The following RNGTT variants were observed in gnomAD, a reference collection of about 807,000 sequenced individuals.
The protein encoded by RNGTT is RNA guanylyltransferase and 5'-phosphatase.
Under a neutral mutation model 79.3 loss-of-function variants are expected in RNGTT, and 33 were observed. The observed-to-expected ratio is 0.42, with a 90% confidence interval of 0.32 to 0.56. RNGTT has a LOEUF of 0.56. Among genes scored for constraint, RNGTT ranks in the 20% least tolerant of loss-of-function variants. The probability of loss-of-function intolerance (pLI) is 0.17; values close to 1 mark genes in which losing one functional copy is unlikely to be tolerated. For synonymous variants in RNGTT, 222 were observed against 235.9 expected (o/e 0.94, Z 0.54); for missense variants, 497 against 739.1 (o/e 0.67, Z 3.80).
chr6:88,824,511 A>G (rs1780592142), intron 11 of RNGTT, among the ~76,000 whole-genome samples: 1 of 152,238 alleles, frequency 6.6e-6, no homozygotes, highest in African/African-American at 2.4e-5. Flanking sequence ...ACATGTGGCT[A>G]CTAAAATTTA....
intron 6 of RNGTT, among the ~76,000 whole-genome samples, chr6:88,903,670 G>A (rs554782578): frequency 2.0e-5 from 3 of 152,154 alleles, no homozygotes; most frequent in Admixed American, 2.0e-4. Flanking sequence ...AACTTACATG[G>A]TTTACATAAA....
intron 14 of RNGTT, among the ~76,000 whole-genome samples, chr6:88,628,546 C>T (rs926352196): frequency 6.6e-6 from 1 of 151,934 alleles, no homozygotes; most frequent in African/African-American, 2.4e-5. Context: ...AGGTTTATAG[C>T]CAATATATTT....
At chr6:88,796,018 C>A (rs978685203) in intron 12 of RNGTT, among the ~76,000 whole-genome samples, 16 of 152,162 alleles carry the variant, frequency 1.1e-4, no homozygotes, top group African/African-American at 3.9e-4. Flanking sequence ...TATATCTATA[C>A]CTGCACTATC....
chr6:88,678,154 T>C (rs1774949341), intron 14 of RNGTT, 199 bp downstream of exon 14: 4 of 1,144,070 alleles, frequency 3.5e-6, no homozygotes, highest in East Asian at 7.7e-5. Context: ...ACTTGGCTAA[T>C]GACAAAAAAT....
At chr6:88,675,102 G>GA (rs10554864) in intron 14 of RNGTT, among the ~76,000 whole-genome samples, 1,326 of 106,554 alleles carry the variant, frequency 0.012, 8 homozygotes, top group Middle Eastern at 0.024. Flanking sequence ...CGTCTCAGAA[G>GA]AAAAAAAAAA....
At chr6:88,765,765 T>C (rs1433380341) in intron 13 of RNGTT, among the ~76,000 whole-genome samples, 1 of 152,168 alleles carries the variant, frequency 6.6e-6, no homozygotes, top group African/African-American at 2.4e-5. Flanking sequence ...TATACCAGTA[T>C]ATATACTGTC....
intron 13 of RNGTT, among the ~76,000 whole-genome samples, chr6:88,709,941 G>GT (rs1291264309): frequency 2.0e-5 from 3 of 152,216 alleles, no homozygotes. Flanking sequence ...GCTAGAAACT[G>GT]TAAGTAGTGT....
chr6:88,833,460 A>G (rs1780949194), intron 11 of RNGTT, among the ~76,000 whole-genome samples: 1 of 152,176 alleles, frequency 6.6e-6, no homozygotes, highest in South Asian at 2.1e-4. Flanking sequence ...ATTAGGAGAA[A>G]TACCTAATGT....
At chr6:88,885,273 G>T (rs1273244136) in intron 8 of RNGTT, among the ~76,000 whole-genome samples, 1 of 152,072 alleles carries the variant, frequency 6.6e-6, no homozygotes, top group Admixed American at 6.6e-5. Flanking sequence ...GGCTGGGGTA[G>T]GAAAAGTACA....
Position 88,688,788 on chromosome 6 carries a change from C to T in RNGTT, c.1440-10369G>A, listed in dbSNP as rs148639581. Among the ~76,000 whole-genome samples the T allele has an allele frequency of 4.5e-3, 683 of 152,316 alleles. 2 individuals are homozygous for T. The highest frequency in any genetic ancestry group is 7.6e-3 in the Non-Finnish European group (517 of 68,034). ...TCCACTTATACGCAGATTTCTTCCACCTCTGTCCTCACTGAGACAGCAAGA... is the reference window on the plus strand; with the variant it reads ...TCCACTTATACGCAGATTTCTTCCATCTCTGTCCTCACTGAGACAGCAAGA... On this transcript the variant is annotated intron_variant, in intron 13 of 15. Transcript: ENST00000369485.
intron 14 of RNGTT, among the ~76,000 whole-genome samples, chr6:88,673,034 C>T (rs1276674833): frequency 6.6e-6 from 1 of 152,072 alleles, no homozygotes; most frequent in African/African-American, 2.4e-5. Flanking sequence ...TTTTTGTGTT[C>T]TTTCTTTTCT....
chr6:88,799,700 CAAAAAA>C (rs36033019), intron 12 of RNGTT, among the ~76,000 whole-genome samples: 1 of 46,254 alleles, frequency 2.2e-5, no homozygotes, highest in Non-Finnish European at 4.3e-5. Flanking sequence ...AACTCCATCT[CAAAAAA>C]AAAAAAAAAA....
chr6:88,892,677 A>G (rs1484338198), intron 6 of RNGTT, among the ~76,000 whole-genome samples: 8 of 152,086 alleles, frequency 5.3e-5, no homozygotes, highest in Non-Finnish European at 1.2e-4. Context: ...TGTATGCTAC[A>G]GTTCTTTTAA....
In RNGTT at chr6:88,768,443, C is replaced by T. The variant is rs557403581; in HGVS notation, c.1439+1331G>A. Among the ~76,000 whole-genome samples the T allele has an allele frequency of 1.1e-4, 16 of 152,242 alleles. No individual in the cohort carries two copies. The South Asian group carries it at 2.9e-3, about 28-fold the overall frequency. ...TGTTAAATACCCTGTTGTTTGAAAA[C>T]GAATACCCACATGCTTTATTAAACC... is the stretch of plus-strand genomic sequence containing the variant. On this transcript the variant is annotated intron_variant, in intron 13 of 15. Transcript: ENST00000369485.
Position 88,904,873 on chromosome 6 carries a change from G to A in RNGTT, c.526C>T (p.Arg176Trp), listed in dbSNP as rs1326390692. Residue 176 changes from arginine to tryptophan, a missense_variant, in exon 6 of 16, where the codon CGG becomes TGG. Physicochemically the swap from Arg to Trp is moderately radical, Grantham distance 101 (BLOSUM62 -3). This residue lies in a region of RNGTT where 440 missense variants were observed against 671.5 expected (regional missense o/e 0.66). Coordinates refer to ENST00000369485, the MANE Select transcript of RNGTT (RefSeq NM_003800.5). ...GGTGCTTCCTCTATGTCACCATACC[G>A]ACGAAAAAGTTCCTTCAAATAATCA... ...KGDYLKELFR[R>W]YGDIEEAPPP... 23 of 1,613,962 alleles carry A rather than the reference G, an allele frequency of 1.4e-5. No individual in the cohort carries two copies. The highest frequency in any genetic ancestry group is 1.9e-5 in the Non-Finnish European group (22 of 1,180,014).
chr6:88,667,817 T>TA (rs1197745412), intron 14 of RNGTT, among the ~76,000 whole-genome samples: 1 of 152,060 alleles, frequency 6.6e-6, no homozygotes, highest in African/African-American at 2.4e-5. Context: ...AATCGGACTA[T>TA]AAAAAATAGC....
intron 1 of RNGTT, among the ~76,000 whole-genome samples, chr6:88,960,915 A>G (rs990270367): frequency 3.9e-5 from 6 of 152,266 alleles, no homozygotes; most frequent in Non-Finnish European, 8.8e-5. Context: ...TATGCAAAAT[A>G]TCAAAGAAAT....
chr6:88,709,766 T>A (rs1032575424), intron 13 of RNGTT, among the ~76,000 whole-genome samples: 1 of 152,210 alleles, frequency 6.6e-6, no homozygotes, highest in Non-Finnish European at 1.5e-5. Context: ...ACATTTCAAG[T>A]GCTCAACAGC....
chr6:88,842,450 T>C (rs915035641), intron 11 of RNGTT, among the ~76,000 whole-genome samples: 5 of 151,248 alleles, frequency 3.3e-5, no homozygotes, highest in Admixed American at 1.3e-4. Context: ...TGAGTGATAC[T>C]AAAAATAATA....
Sources: allele counts gnomAD v4.1 joint callset (sites outside exome capture counted in the v4.1 genomes callset), GRCh38; gene constraint gnomAD v4.1.1; regional missense constraint gnomAD v4.1.1; transcripts MANE v1.5; gene names NCBI Gene and HGNC (gene_info 2026-07-23, HGNC 2026-07-21).